The following PHEX variants were observed in gnomAD, a reference collection of about 807,000 sequenced individuals.
PHEX encodes phosphate-regulating neutral endopeptidase PHEX.
PHEX carries 16 observed loss-of-function variants against 68.0 expected under a neutral mutation model. The ratio of observed to expected loss-of-function variants is 0.24; its 90% confidence interval spans 0.16 to 0.36. PHEX has a LOEUF of 0.36. PHEX is among the 10% of genes least tolerant of loss of function. The probability of loss-of-function intolerance (pLI) is 1.00; values close to 1 mark genes in which losing one functional copy is unlikely to be tolerated. For missense variants in PHEX, 480 were observed against 575.5 expected (o/e 0.83, Z 1.70); for synonymous variants, 208 against 205.1 (o/e 1.01, Z -0.12).
chrX:22,107,893 T>G (rs1170812055), intron 9 of PHEX, among the ~76,000 whole-genome samples: 2 of 111,980 alleles, frequency 1.8e-5, no homozygotes, highest in East Asian at 5.6e-4. Flanking sequence ...ATGTGTTGAT[T>G]GAGTGAATGA....
At chrX:22,165,565 A>G (rs1485284359) in intron 12 of PHEX, among the ~76,000 whole-genome samples, 1 of 111,154 alleles carries the variant, frequency 9.0e-6, no homozygotes, top group African/African-American at 3.3e-5. Context: ...GGAACTAGCT[A>G]TTTTTGATTG....
intron 20 of PHEX, among the ~76,000 whole-genome samples, chrX:22,242,296 T>G (rs909493223): frequency 1.8e-5 from 2 of 111,714 alleles, no homozygotes; most frequent in African/African-American, 3.2e-5. Flanking sequence ...TAAGAGCTAT[T>G]TATGACAAAC....
chrX:22,181,187 C>T (rs1933873044), intron 14 of PHEX, among the ~76,000 whole-genome samples: 1 of 111,814 alleles, frequency 8.9e-6, no homozygotes, highest in African/African-American at 3.3e-5. Flanking sequence ...AAACTGTTCT[C>T]CATAGTGGTT....
rs1293482406 is a variant in PHEX, at chrX:22,077,637, A to G, written c.598A>G (p.Asn200Asp). ...TLATFRGQYS[N>D]SVFIRLYVSP... ...TGCAACGTTTCGTGGTCAATACAGC[A>G]ATTCTGTGTTCATCCGTTTGTATGT... Residue 200 changes from asparagine (N) to aspartate (D), a missense_variant, in exon 5 of 22, where the codon AAT becomes GAT. Transcript: ENST00000379374. 24 of 1,209,215 alleles carry G rather than the reference A, an allele frequency of 2.0e-5. No individual in the cohort carries two copies. Among genetic ancestry groups the G allele is most frequent in the Non-Finnish European group, 2.7e-5 (24 of 894,811 alleles).
intron 14 of PHEX, among the ~76,000 whole-genome samples, chrX:22,184,123 G>T (rs1933958688): frequency 8.9e-6 from 1 of 111,984 alleles, no homozygotes; most frequent in Non-Finnish European, 1.9e-5. Context: ...ATGGAAATCA[G>T]TGCAATGCTT....
chrX:22,130,247 TAA>T (rs1204449652), intron 11 of PHEX, among the ~76,000 whole-genome samples: 1 of 111,546 alleles, frequency 9.0e-6, no homozygotes, highest in Non-Finnish European at 1.9e-5. Context: ...GATGAGTCCC[TAA>T]AGACTTAGGG....
At chrX:22,037,939 C>A (rs1927097610) in intron 1 of PHEX, among the ~76,000 whole-genome samples, 1 of 111,644 alleles carries the variant, frequency 9.0e-6, no homozygotes, top group African/African-American at 3.3e-5. Flanking sequence ...TTCAATTTTC[C>A]CATCTTGAAC....
chrX:22,223,750 C>T (rs1935347560), intron 18 of PHEX, among the ~76,000 whole-genome samples: 1 of 112,598 alleles, frequency 8.9e-6, no homozygotes. Context: ...CACACAAACA[C>T]ACACGAAACC....
At chrX:22,223,026 C>CAGAG (rs762897819) in intron 18 of PHEX, among the ~76,000 whole-genome samples, 1 of 111,689 alleles carries the variant, frequency 9.0e-6, no homozygotes, top group African/African-American at 3.3e-5. Flanking sequence ...GCCAAAGTGT[C>CAGAG]AGAGATTGAA....
chrX:22,229,647 G>C (rs569645675), intron 20 of PHEX, among the ~76,000 whole-genome samples: 44 of 112,150 alleles, frequency 3.9e-4, no homozygotes, highest in African/African-American at 1.4e-3. Flanking sequence ...CTAGCCCTTT[G>C]TCAAATGGAT....
intron 14 of PHEX, among the ~76,000 whole-genome samples, chrX:22,181,357 C>G (rs73446717): frequency 0.048 from 5,395 of 111,724 alleles, 308 homozygotes; most frequent in African/African-American, 0.16. Context: ...GATAATCATT[C>G]ATGTTGTGCA....
chrX:22,052,171 G>T (rs1033232181), intron 3 of PHEX, among the ~76,000 whole-genome samples: 1 of 111,654 alleles, frequency 9.0e-6, no homozygotes, highest in African/African-American at 3.3e-5. Context: ...GCAAATATAG[G>T]TATAAAATTA....
intron 2 of PHEX, among the ~76,000 whole-genome samples, chrX:22,041,639 A>G (rs1927295225): frequency 9.1e-6 from 1 of 110,037 alleles, no homozygotes; most frequent in Admixed American, 9.8e-5. Flanking sequence ...ATTGTCATGG[A>G]GTGGGGTGAG....
chrX:22,189,602 TTAC>T (rs1376079655), intron 14 of PHEX, among the ~76,000 whole-genome samples: 1 of 112,098 alleles, frequency 8.9e-6, no homozygotes, highest in African/African-American at 3.2e-5. Flanking sequence ...TTGTACTTGA[TTAC>T]TATTGTTATT....
intron 11 of PHEX, among the ~76,000 whole-genome samples, chrX:22,132,954 A>G (rs1003921673): frequency 5.5e-5 from 6 of 110,054 alleles, no homozygotes; most frequent in Non-Finnish European, 9.5e-5. Flanking sequence ...TGGTGCAGTC[A>G]TGGCTCACTG....
At chrX:22,084,262 C>A (rs919133932) in intron 5 of PHEX, among the ~76,000 whole-genome samples, 1 of 111,816 alleles carries the variant, frequency 8.9e-6, no homozygotes, top group African/African-American at 3.2e-5. Context: ...GCTGGTACTA[C>A]AGGTGCATGC....
At chrX:22,036,737 T>C (rs1927037510) in intron 1 of PHEX, among the ~76,000 whole-genome samples, 1 of 109,664 alleles carries the variant, frequency 9.1e-6, no homozygotes, top group Non-Finnish European at 1.9e-5. Flanking sequence ...ATAACTTTTT[T>C]TTTTTTTTTG....
chrX:22,088,894 C>T (rs764381297), intron 5 of PHEX, among the ~76,000 whole-genome samples: 43 of 112,164 alleles, frequency 3.8e-4, no homozygotes, highest in African/African-American at 1.4e-3. Flanking sequence ...AAAAATTTTT[C>T]CCAATATTTT....
intron 3 of PHEX, among the ~76,000 whole-genome samples, chrX:22,075,856 T>C (rs1929129435): frequency 8.9e-6 from 1 of 111,850 alleles, no homozygotes; most frequent in Non-Finnish European, 1.9e-5. Context: ...GTCTTTCCAT[T>C]TCCTGTCTAA....
Sources: gnomAD v4.1 joint callset for allele counts (sites outside exome capture counted in the v4.1 genomes callset) on GRCh38, gnomAD v4.1.1 for gene constraint, MANE v1.5 for transcripts, NCBI Gene and HGNC (gene_info 2026-07-23, HGNC 2026-07-21) for gene names.